Variants in DST observed in about 807,000 individuals in gnomAD.
DST encodes the protein dystonin.
DST carries 253 observed loss-of-function variants against 875.2 expected under a neutral mutation model. That is an observed-to-expected ratio of 0.29 (90% CI 0.26 to 0.32). The LOEUF is 0.32. Ranked by LOEUF, DST falls within the 10% of genes least tolerant of loss-of-function variation. The pLI, the probability that DST is intolerant of heterozygous loss-of-function variation, is 1.00. For synonymous variants in DST, 3,124 were observed against 3,197.1 expected, an observed-to-expected ratio of 0.98 and a Z score of 0.77; for missense variants, 8,287 against 9,111.6, an observed-to-expected ratio of 0.91 and a Z score of 3.68.
intron 58 of DST, among the ~76,000 whole-genome samples, chr6:56,558,717 A>G (rs572415275): frequency 6.6e-6 from 1 of 152,264 alleles, no homozygotes; most frequent in African/African-American, 2.4e-5. Flanking sequence ...TCTGAAGACC[A>G]TTGCCTGACA....
chr6:56,743,148 G>T (rs2099553627), intron 4 of DST, among the ~76,000 whole-genome samples: 1 of 152,076 alleles, frequency 6.6e-6, no homozygotes, highest in South Asian at 2.1e-4. Flanking sequence ...GAAAAGTCAA[G>T]ACATAAGAAC....
intron 2 of DST, among the ~76,000 whole-genome samples, chr6:56,920,355 A>G (rs1351906167): frequency 1.3e-5 from 2 of 152,216 alleles, no homozygotes; most frequent in African/African-American, 2.4e-5. Context: ...GAATGTGTAT[A>G]TATCACCTCT....
At chr6:56,723,276 C>T (rs1161073139) in intron 5 of DST, among the ~76,000 whole-genome samples, 2 of 152,106 alleles carry the variant, frequency 1.3e-5, no homozygotes, top group Non-Finnish European at 2.9e-5. Context: ...ATAAGAAGGG[C>T]TGTGAGGGCT....
intron 4 of DST, among the ~76,000 whole-genome samples, chr6:56,811,217 G>T (rs980027278): frequency 2.0e-5 from 3 of 147,658 alleles, no homozygotes; most frequent in African/African-American, 7.6e-5. Flanking sequence ...AAAAAGGTAG[G>T]ATGGGGAGCA....
Position 56,463,120 on chromosome 6 carries a change from A to G in DST, c.22996T>C (p.Trp7666Arg). 1 of 1,613,584 alleles carries G rather than the reference A, an allele frequency of 6.2e-7. No homozygotes were observed. Among genetic ancestry groups the G allele is most frequent in the Non-Finnish European group, 8.5e-7 (1 of 1,179,572 alleles). The stretch of plus-strand genomic sequence containing the variant: ...GTTGACATTTTGCTGTTTGTCAACC[A>G]TGGTTTACCATAATTGCGTGTTAAA... ...HPLTRNYGKP[W>R]LTNSKMSTPC... Residue 7666 changes from tryptophan (W) to arginine (R), a missense_variant, in exon 102 of 104, where the codon TGG (tryptophan) becomes CGG (arginine). Physicochemically the swap from Trp to Arg is moderately radical, Grantham distance 101. This residue lies in a region of DST where 240 missense variants were observed against 237.3 expected (regional missense o/e 1.01). Coordinates refer to ENST00000680361, the MANE Select transcript of DST (RefSeq NM_001374736.1).
chr6:56,709,253 G>T (rs1484413631), intron 5 of DST, among the ~76,000 whole-genome samples: 1 of 152,150 alleles, frequency 6.6e-6, no homozygotes, highest in African/African-American at 2.4e-5. Flanking sequence ...AAATAGACTA[G>T]AAAACACTCT....
At chr6:56,526,669 C>T in intron 68 of DST, 102 bp from the exon 69 acceptor site, 2 of 965,418 alleles carry the variant, frequency 2.1e-6, no homozygotes, top group Non-Finnish European at 3.1e-6. Flanking sequence ...TAATGTGATG[C>T]TTTGCCCCAC....
In DST at chr6:56,635,649, C is replaced by T. The variant is rs76795414; in HGVS notation, c.3126G>A (p.Lys1042=). 1.1e-5 allele frequency: 17 copies of T among 1,613,892 alleles called. No homozygotes were observed. The highest frequency in any genetic ancestry group is 1.4e-5 in the Non-Finnish European group (17 of 1,179,860). Residue 1042 remains lysine, a synonymous_variant, in exon 24 of 104, where the codon AAG becomes AAA. Coordinates refer to ENST00000680361, the MANE Select transcript of DST (RefSeq NM_001374736.1). The part of the protein sequence containing the change: ...LRNLKDAIQR[K]YSCDRSSSIH... The stretch of plus-strand genomic sequence containing the variant: ...TGCTGCTTGATCTATCACAGCTGTA[C>T]TTCCGCTGAATGGCATCTTTTAGAT...
At chr6:56,935,656 G>A (rs1038753434) in intron 2 of DST, among the ~76,000 whole-genome samples, 1 of 152,150 alleles carries the variant, frequency 6.6e-6, no homozygotes, top group Non-Finnish European at 1.5e-5. Flanking sequence ...TGCCGGGCAC[G>A]GTAGCTCACA....
intron 4 of DST, among the ~76,000 whole-genome samples, chr6:56,818,859 AC>A (rs1176516735): frequency 5.9e-5 from 9 of 152,082 alleles, no homozygotes; most frequent in South Asian, 2.1e-4. Context: ...GTTTCCTACC[AC>A]CCCCGCCAAC....
In DST at chr6:56,669,455, G is replaced by A. The variant is rs538286722; in HGVS notation, c.1214+1186C>T. Among the ~76,000 whole-genome samples the A allele has an allele frequency of 5.3e-5, 8 of 151,972 alleles. No individual in the cohort carries two copies. In the South Asian group the frequency reaches 1.7e-3, roughly 32 times the overall value. On this transcript the variant is annotated intron_variant, in intron 10 of 103. Coordinates refer to ENST00000680361, the MANE Select transcript of DST (RefSeq NM_001374736.1). The stretch of plus-strand genomic sequence containing the variant: ...TACTAAAAATACAAAAATTAGCCGG[G>A]TGTGGTGGCATATGCCTGTAGTCCC...
chr6:56,777,318 G>T (rs1470087558), intron 4 of DST, among the ~76,000 whole-genome samples: 2 of 151,994 alleles, frequency 1.3e-5, no homozygotes, highest in African/African-American at 4.8e-5. Flanking sequence ...AAATACGAAG[G>T]CAAAAGGAGC....
chr6:56,795,442 C>T (rs775507613), intron 4 of DST, among the ~76,000 whole-genome samples: 9 of 152,068 alleles, frequency 5.9e-5, no homozygotes, highest in Non-Finnish European at 8.8e-5. Flanking sequence ...TTAACATAAA[C>T]TTCCAGATTA....
At chr6:56,536,500 T>G (rs1240321277) in intron 62 of DST, among the ~76,000 whole-genome samples, 1 of 152,186 alleles carries the variant, frequency 6.6e-6, no homozygotes, top group Non-Finnish European at 1.5e-5. Flanking sequence ...TACAGATGCA[T>G]GTGCCCATCA....
chr6:56,469,367 T>C (rs993526725), intron 97 of DST, among the ~76,000 whole-genome samples: 1 of 148,134 alleles, frequency 6.8e-6, no homozygotes, highest in African/African-American at 2.5e-5. Context: ...AAAAAAAAAA[T>C]AGAGAAAGAG....
chr6:56,824,775 G>GC (rs570906176), intron 4 of DST, among the ~76,000 whole-genome samples: 161 of 151,400 alleles, frequency 1.1e-3, no homozygotes, highest in African/African-American at 3.7e-3. Flanking sequence ...CCCGGCAGCT[G>GC]CCCCGTCTGA....
At chr6:56,926,390 T>G (rs142670398) in intron 2 of DST, among the ~76,000 whole-genome samples, 18 of 152,318 alleles carry the variant, frequency 1.2e-4, no homozygotes, top group South Asian at 2.1e-4. Context: ...GAGACAGACT[T>G]ATAAGTAAAC....
At chr6:56,471,393 T>C in intron 94 of DST, 125 bp from the exon 95 acceptor site, 1 of 676,830 alleles carries the variant, frequency 1.5e-6, no homozygotes, top group Non-Finnish European at 2.3e-6. Flanking sequence ...CAAAAAGAGG[T>C]ATGATCTTGC....
intron 3 of DST, among the ~76,000 whole-genome samples, chr6:56,895,115 A>C (rs1340634057): frequency 2.1e-3 from 143 of 69,156 alleles, no homozygotes; most frequent in African/African-American, 3.3e-3. Flanking sequence ...CGGGCAGAGG[A>C]GCCCCTCACC....
Sources: gnomAD v4.1 joint callset for allele counts (sites outside exome capture counted in the v4.1 genomes callset) on GRCh38, gnomAD v4.1.1 for gene constraint, gnomAD v4.1.1 regional missense constraint, MANE v1.5 for transcripts, NCBI Gene and HGNC (gene_info 2026-07-23, HGNC 2026-07-21) for gene names.